Variants in VSX1 observed in about 807,000 individuals in gnomAD.
VSX1 encodes homeodomain protein RINX.
A neutral mutation model predicts 23.6 loss-of-function variants in VSX1; 23 were observed. The ratio of observed to expected loss-of-function variants is 0.97; its 90% CI spans 0.70 to 1.38. VSX1 has a LOEUF of 1.38. Ranked by LOEUF, VSX1 falls within the 40% of genes most tolerant of loss-of-function variation. The pLI, the probability that VSX1 is intolerant of heterozygous loss-of-function variation, is 0.00. For synonymous variants in VSX1, 247 were observed against 215.1 expected, an observed-to-expected ratio of 1.15 and a Z score of -1.30; for missense variants, 517 against 495.4, an observed-to-expected ratio of 1.04 and a Z score of -0.41.
downstream of VSX1, chr20:25,072,390 C>A (rs139913034): frequency 7.5e-6 from 3 of 397,758 alleles, no homozygotes; most frequent in African/African-American, 6.2e-5. Flanking sequence ...CAGTGTCAGC[C>A]GCACCCACTT....
At chr20:25,074,302 G>T (rs752408491), downstream of VSX1, among the ~76,000 whole-genome samples, 1 of 152,128 alleles carries the variant, frequency 6.6e-6, no homozygotes, top group South Asian at 2.1e-4. Context: ...TGGCAAAGCC[G>T]CCTCAAAGAC....
chr20:25,077,128 G>A (rs923726056), intron 4 of VSX1, among the ~76,000 whole-genome samples: 12 of 152,134 alleles, frequency 7.9e-5, no homozygotes, highest in African/African-American at 2.9e-4. Flanking sequence ...GGTTTCTGGC[G>A]ACAGCAAACA....
At position 25,081,785 on chromosome 20, in the gene VSX1, C is replaced by G. The variant is rs761479018; in HGVS notation, c.312G>C (p.Ala104=). Reference sequence around the variant, plus strand: ...CCCTGGGCGGCAGGAACGGCACGTCCGCTAGGAGCAGGCAGGGTGCTCGAG... The same window carrying G: ...CCCTGGGCGGCAGGAACGGCACGTCGGCTAGGAGCAGGCAGGGTGCTCGAG... The part of the protein sequence containing the change: ...AAARAPCLLL[A]DVPFLPPRGP... The change falls in exon 1 of 5, where the codon GCG becomes GCC. Residue 104 remains alanine, a synonymous_variant. Transcript: ENST00000376709. 1 of 1,502,356 alleles carries G rather than the reference C, an allele frequency of 6.7e-7. No individual in the cohort carries two copies. The highest frequency in any genetic ancestry group is 2.1e-5 in the Admixed American group (1 of 47,056). 93.1% of individuals were successfully genotyped at this position (1,502,356 alleles called of 1,614,324 possible). A position where few individuals can be genotyped will look rare whatever the true frequency, so the allele number is the denominator to read the frequency against.
chr20:25,079,367 T>G lies in VSX1; in HGVS notation c.503+69A>C. 3 of 1,469,950 alleles carry G rather than the reference T, an allele frequency of 2.0e-6. 1 individual carries two copies. In the South Asian group the frequency reaches 3.8e-5, roughly 19 times the overall value. The allele number at this position is 1,469,950 out of a possible 1,614,324, so 91.1% of individuals were successfully genotyped here. On this transcript the variant is annotated intron_variant, in intron 2 of 4. Coordinates refer to ENST00000376709, the MANE Select transcript of VSX1 (RefSeq NM_014588.6). ...TCATGCCGGGCCATAAATTCTCAGA[T>G]GCAGGTGCCATAAACCTTGGGCTGT...
chr20:25,080,276 C>A (rs139601305), intron 1 of VSX1, among the ~76,000 whole-genome samples: 70 of 152,262 alleles, frequency 4.6e-4, no homozygotes, highest in African/African-American at 1.6e-3. Flanking sequence ...GCAAAAATAA[C>A]TAAATAATAC....
At position 25,082,104 on chromosome 20, in the gene VSX1, T is replaced by C; in HGVS notation, c.-8A>G. 7 of 1,536,034 alleles carry C rather than the reference T, an allele frequency of 4.6e-6. No homozygotes were observed. The highest frequency in any genetic ancestry group is 6.1e-6 in the Non-Finnish European group (7 of 1,147,174). On this transcript the variant is annotated 5_prime_UTR_variant, in exon 1 of 5. Transcript: ENST00000376709. ...CGAGTCCCGGCCGGTCATGGTTCCT[T>C]AGCAAGCAAGGCGCGAGCCTCTCTG...
At chr20:25,072,080 G>C, downstream of VSX1, 1 of 605,896 alleles carries the variant, frequency 1.7e-6, no homozygotes, top group East Asian at 2.8e-5. Flanking sequence ...AAAGAGAGAG[G>C]GAAAGGTGGG....
At position 25,081,748 on chromosome 20, in the gene VSX1, C is replaced by A. The variant is rs770296491; in HGVS notation, c.349G>T (p.Ala117Ser). 2.1e-5 allele frequency: 31 copies of A among 1,498,720 alleles called. No homozygotes were observed. The highest frequency in any genetic ancestry group is 2.7e-5 in the Non-Finnish European group (30 of 1,132,062). 92.8% of individuals were successfully genotyped at this position (1,498,720 alleles called of 1,614,324 possible). The change falls in exon 1 of 5, where the codon GCT becomes TCT. Residue 117 changes from alanine (A) to serine (S), a missense_variant. Physicochemically the swap from Ala to Ser is moderately conservative, Grantham distance 99. Coordinates refer to ENST00000376709, the MANE Select transcript of VSX1 (RefSeq NM_014588.6). ...GGACGGCTGGGAGCCAGCGGGGCAG[C>A]GGGCTCGGGGCCCCTGGGCGGCAGG... ...PFLPPRGPEP[A>S]APLAPSRPPP...
intron 1 of VSX1, 98 bp downstream of exon 1, chr20:25,081,575 G>T (rs2089643627): frequency 6.5e-7 from 1 of 1,537,712 alleles, no homozygotes; most frequent in Non-Finnish European, 8.8e-7. Flanking sequence ...GATCTGGGCC[G>T]CTGGGGCCAG....
chr20:25,078,596 C>A (rs1224670716), intron 3 of VSX1: 4 of 1,404,484 alleles, frequency 2.8e-6, no homozygotes, highest in African/African-American at 2.9e-5. Flanking sequence ...AGTTGCAGCA[C>A]ACATTATCAT....
At chr20:25,071,829 G>T (rs2089385297), downstream of VSX1, 2 of 713,078 alleles carry the variant, frequency 2.8e-6, no homozygotes, top group African/African-American at 3.5e-5. Context: ...GATCATCAAG[G>T]ATGACACAGG....
At chr20:25,078,763 C>T in intron 3 of VSX1, 66 bp downstream of exon 3, 1 of 1,614,070 alleles carries the variant, frequency 6.2e-7, no homozygotes, top group Non-Finnish European at 8.5e-7. Context: ...CTGATTGGCT[C>T]ACTGAATGTG....
Position 25,081,914 on chromosome 20 carries a change from CGCG to C in VSX1, c.180_182del (p.Ala61del). On this transcript the variant is annotated inframe_deletion, in exon 1 of 5. Coordinates refer to ENST00000376709, the MANE Select transcript of VSX1 (RefSeq NM_014588.6). ...CGTCAAGCCCCGGGCCCGGGCACGG[CGCG>C]ACTGCCGGACCCTCGCAGCCAGATC... 6.5e-7 allele frequency: 1 copy of C among 1,529,204 alleles called. No individual in the cohort carries two copies. Among genetic ancestry groups the C allele is most frequent in the Non-Finnish European group, 8.7e-7 (1 of 1,144,388 alleles). The allele number at this position is 1,529,204 out of a possible 1,614,324, so 94.7% of individuals were successfully genotyped here. A position where few individuals can be genotyped will look rare whatever the true frequency, so the allele number is the denominator to read the frequency against.
At chr20:25,071,075 G>T (rs75450045), downstream of VSX1, 1 of 454,074 alleles carries the variant, frequency 2.2e-6, no homozygotes, top group African/African-American at 2.0e-5. Context: ...TTCAAAGCCC[G>T]GGTTGAGATC....
Position 25,082,085 on chromosome 20 carries a change from C to G in VSX1, c.12G>C (p.Arg4=). 1 of 1,538,148 alleles carries G rather than the reference C, an allele frequency of 6.5e-7. No homozygotes were observed. Residue 4 remains arginine, a synonymous_variant, in exon 1 of 5, where the codon CGG becomes CGC. Transcript: ENST00000376709. MTG[R]DSLSDGRTSS... Reference sequence around the variant, plus strand: ...TAGTGCGCCCGTCGGAAAGCGAGTCCCGGCCGGTCATGGTTCCTTAGCAAG... The same window carrying G: ...TAGTGCGCCCGTCGGAAAGCGAGTCGCGGCCGGTCATGGTTCCTTAGCAAG...
rs1173963357 is a variant in VSX1 at position 25,081,778 on chromosome 20, G to T, written c.319C>A (p.Pro107Thr). 1.3e-6 allele frequency: 2 copies of T among 1,501,610 alleles called. No individual in the cohort carries two copies. The highest frequency in any genetic ancestry group is 1.8e-6 in the Non-Finnish European group (2 of 1,133,740). 93.0% of individuals were successfully genotyped at this position (1,501,610 alleles called of 1,614,324 possible). The part of the protein sequence containing the change: ...RAPCLLLADV[P>T]FLPPRGPEPA... Reference sequence around the variant, plus strand: ...TCGGGGCCCCTGGGCGGCAGGAACGGCACGTCCGCTAGGAGCAGGCAGGGT... The same window carrying T: ...TCGGGGCCCCTGGGCGGCAGGAACGTCACGTCCGCTAGGAGCAGGCAGGGT... The change falls in exon 1 of 5, where the codon CCG (proline) becomes ACG (threonine). Residue 107 changes from proline to threonine, a missense_variant. Pro to Thr is a conservative substitution (Grantham distance 38). Transcript: ENST00000376709.
At position 25,075,890 on chromosome 20, in the gene VSX1, G is replaced by A; in HGVS notation, c.*371C>T. 1 of 235,966 alleles carries A rather than the reference G, an allele frequency of 4.2e-6. No homozygotes were observed. Among genetic ancestry groups the A allele is most frequent in the Non-Finnish European group, 8.3e-6 (1 of 120,216 alleles). 14.6% of individuals were successfully genotyped at this position (235,966 alleles called of 1,614,324 possible). ...AAACAATTTTATATTTCCTAATTGA[G>A]AATGAGGACATCAGACCTAACCTAT... On this transcript the variant is annotated 3_prime_UTR_variant, in exon 5 of 5. Transcript: ENST00000376709.
intron 1 of VSX1, among the ~76,000 whole-genome samples, chr20:25,081,132 G>C (rs893061880): frequency 9.2e-5 from 14 of 152,216 alleles, no homozygotes; most frequent in Non-Finnish European, 1.9e-4. Flanking sequence ...AGGACGCTGC[G>C]CCGGCAGAGG....
Position 25,077,813 on chromosome 20 carries a change from C to G in VSX1, c.680G>C (p.Gly227Ala), listed in dbSNP as rs1368600152. The part of the protein sequence containing the change: ...AKWRKREKRW[G>A]GSSVMAEYGL... Reference sequence around the variant, plus strand: ...GTACTCGGCCATCACGCTGCTGCCGCCCCAGCGCTTCTCCCGCTTGCGCCA... The same window carrying G: ...GTACTCGGCCATCACGCTGCTGCCGGCCCAGCGCTTCTCCCGCTTGCGCCA... Residue 227 changes from glycine (G) to alanine (A), a missense_variant, in exon 4 of 5, where the codon GGC becomes GCC. By Grantham distance (60) the Gly-to-Ala change is moderately conservative. Transcript: ENST00000376709. The G allele has an allele frequency of 1.9e-6, 3 of 1,551,444 alleles. No individual in the cohort carries two copies. The East Asian group carries it at 7.3e-5, about 38-fold the overall frequency.
Sources: gnomAD v4.1 joint callset for allele counts (sites outside exome capture counted in the v4.1 genomes callset) on GRCh38, gnomAD v4.1.1 for gene constraint, MANE v1.5 for transcripts, NCBI Gene and HGNC (gene_info 2026-07-23, HGNC 2026-07-21) for gene names.